Variants in DNAAF5 observed in about 807,000 individuals in gnomAD.
The protein encoded by DNAAF5 is HEAT repeat containing 2.
DNAAF5 carries 64 observed loss-of-function variants against 75.8 expected under a neutral mutation model. That is an observed-to-expected ratio of 0.84 (90% confidence interval 0.69 to 1.04). The LOEUF is 1.04. Ranked by LOEUF, DNAAF5 falls within the 50% of genes least tolerant of loss-of-function variation. The pLI is 0.00. For missense variants in DNAAF5, 1,269 were observed against 1,178.5 expected, an observed-to-expected ratio of 1.08 and a Z score of -1.12; for synonymous variants, 657 against 557.2, an observed-to-expected ratio of 1.18 and a Z score of -2.52.
intron 4 of DNAAF5, among the ~76,000 whole-genome samples, chr7:753,045 CTGAG>C: frequency 6.6e-6 from 1 of 152,256 alleles, no homozygotes; most frequent in East Asian, 1.9e-4. Context: ...CAATTCAAGA[CTGAG>C]CGTACCGCGT....
intron 4 of DNAAF5, among the ~76,000 whole-genome samples, chr7:744,976 GTC>G (rs1393260242): frequency 7.2e-5 from 11 of 152,182 alleles, no homozygotes; most frequent in Admixed American, 3.9e-4. Context: ...TCACACTCTT[GTC>G]TCTGCATCAG....
chr7:780,058 A>AAAG lies in DNAAF5; in HGVS notation c.2345_2346insAAG (p.Tyr782delinsTer). On this transcript the variant is annotated stop_gained, in exon 12 of 13. Coordinates refer to ENST00000297440, the MANE Select transcript of DNAAF5 (RefSeq NM_017802.4). LOFTEE classifies it high-confidence loss of function. The stretch of plus-strand genomic sequence containing the variant: ...GTCAAGGGTGCCAACGCAAAATCCT[A>AAAG]CTATCAGAGCAGTGTCCAGTACCTG... 3 of 1,614,184 alleles carry AAAG rather than the reference A, an allele frequency of 1.9e-6. No homozygotes were observed. Among genetic ancestry groups the AAAG allele is most frequent in the Non-Finnish European group, 2.5e-6 (3 of 1,180,022 alleles).
intron 4 of DNAAF5, among the ~76,000 whole-genome samples, chr7:748,254 G>A (rs1329667015): frequency 3.3e-5 from 4 of 120,082 alleles, no homozygotes; most frequent in South Asian, 3.6e-4. Flanking sequence ...TGGTTTGAGC[G>A]TGTCCGGCTG....
In DNAAF5 at chr7:740,889, A is replaced by C. The variant is rs575955381; in HGVS notation, c.851A>C (p.His284Pro). The change falls in exon 3 of 13, where the codon CAC becomes CCC. Residue 284 changes from histidine to proline, a missense_variant. Transcript: ENST00000297440. ...CTGCGTGACCGTTACTCCTTCTTCCACAAGCTCATCCCTCTGCTGCTCAGT... is the reference window on the plus strand; with the variant it reads ...CTGCGTGACCGTTACTCCTTCTTCCCCAAGCTCATCCCTCTGCTGCTCAGT... ...LCLRDRYSFF[H>P]KLIPLLLSSL... is the part of the protein sequence containing the mutation. The C allele has an allele frequency of 1.9e-6, 3 of 1,613,916 alleles. No individual in the cohort carries two copies. The highest frequency in any genetic ancestry group is 1.7e-5 in the Admixed American group (1 of 60,016).
chr7:729,728 T>G lies in DNAAF5; in HGVS notation c.661T>G (p.Trp221Gly). Reference sequence around the variant, plus strand: ...GATGCAGACCATCTCCCACCAGCACTGGAAGGTCCGTGTGGCCGCCATTGA... The same window carrying G: ...GATGCAGACCATCTCCCACCAGCACGGGAAGGTCCGTGTGGCCGCCATTGA... ...PLMQTISHQH[W>G]KVRVAAIEAT... is the part of the protein sequence containing the mutation. The change falls in exon 2 of 13, where the codon TGG (tryptophan) becomes GGG (glycine). Residue 221 changes from tryptophan (W) to glycine (G), a missense_variant. Coordinates refer to ENST00000297440, the MANE Select transcript of DNAAF5 (RefSeq NM_017802.4). The G allele has an allele frequency of 6.2e-7, 1 of 1,614,114 alleles. No individual in the cohort carries two copies. The highest frequency in any genetic ancestry group is 8.5e-7 in the Non-Finnish European group (1 of 1,180,012).
chr7:730,619 C>T (rs1020370180), intron 2 of DNAAF5, among the ~76,000 whole-genome samples: 1 of 152,198 alleles, frequency 6.6e-6, no homozygotes, highest in Non-Finnish European at 1.5e-5. Context: ...GACTCGCTCC[C>T]TCGTCTGTGC....
chr7:777,919 C>T (rs542730732), intron 11 of DNAAF5, among the ~76,000 whole-genome samples: 2 of 152,080 alleles, frequency 1.3e-5, no homozygotes, highest in Non-Finnish European at 2.9e-5. Flanking sequence ...AGAGAGGTGC[C>T]GAGTGGGCCG....
Position 729,706 on chromosome 7 carries a change from G to A in DNAAF5, c.639G>A (p.Met213Ile), listed in dbSNP as rs1362674935. ...CGGAGTCTCTGATCGGGCCCCTGATGCAGACCATCTCCCACCAGCACTGGA... is the reference window on the plus strand; with the variant it reads ...CGGAGTCTCTGATCGGGCCCCTGATACAGACCATCTCCCACCAGCACTGGA... ...MQSESLIGPLMQTISHQHWKV... is the reference protein window; with the variant it reads ...MQSESLIGPLIQTISHQHWKV... The change falls in exon 2 of 13, where the codon ATG (methionine) becomes ATA (isoleucine). Residue 213 changes from methionine to isoleucine, a missense_variant. By Grantham distance (10) the Met-to-Ile change is conservative. Coordinates refer to ENST00000297440, the MANE Select transcript of DNAAF5 (RefSeq NM_017802.4). 5.6e-6 allele frequency: 9 copies of A among 1,614,120 alleles called. No homozygotes were observed. The highest frequency in any genetic ancestry group is 7.6e-6 in the Non-Finnish European group (9 of 1,180,022).
In DNAAF5 at chr7:754,563, ATTC is replaced by A. The variant is rs777040442; in HGVS notation, c.1025-20_1025-18del. ...TTGAGGTTTTGCTTGTGAATTTCTC[ATTC>A]TTCTTTCCCTTTTTCGTTCCAGAGC... On this transcript the variant is annotated intron_variant, in intron 4 of 12. Transcript: ENST00000297440. This position sits in a 1 kb window ranked among gnomAD's most constrained non-coding sequence, Gnocchi z 4.8. 2.5e-6 allele frequency: 4 copies of A among 1,591,446 alleles called. No homozygotes were observed. Among genetic ancestry groups the A allele is most frequent in the Middle Eastern group, 1.7e-4 (1 of 6,004 alleles).
chr7:738,065 G>A (rs968390654), intron 2 of DNAAF5, among the ~76,000 whole-genome samples: 1 of 152,046 alleles, frequency 6.6e-6, no homozygotes, highest in African/African-American at 2.4e-5. Flanking sequence ...CCCCTTTGAG[G>A]CTATTTTCCA....
At chr7:771,326 G>A (rs1297717699) in intron 9 of DNAAF5, 2 of 152,306 alleles carry the variant, frequency 1.3e-5, no homozygotes. Flanking sequence ...CCGCCCGGGT[G>A]CCACTGCTGA....
rs1781882077 is a variant in DNAAF5 at position 740,812 on chromosome 7, T to C, written c.781-7T>C. On this transcript the variant is annotated splice_polypyrimidine_tract_variant and splice_region_variant and intron_variant, in intron 2 of 12. Coordinates refer to ENST00000297440, the MANE Select transcript of DNAAF5 (RefSeq NM_017802.4). ...CACGAATCCTTATCCCTTCCTCTCA[T>C]GCGCAGGTCCGGCGGGCGGTGGCCT... is the stretch of plus-strand genomic sequence containing the variant. 3.7e-6 allele frequency: 6 copies of C among 1,613,372 alleles called. No homozygotes were observed. The highest frequency in any genetic ancestry group is 5.1e-6 in the Non-Finnish European group (6 of 1,180,012).
In DNAAF5 at chr7:729,839, G is replaced by A. The variant is rs199854382; in HGVS notation, c.772G>A (p.Val258Ile). 62 of 1,613,988 alleles carry A rather than the reference G, an allele frequency of 3.8e-5. No individual in the cohort carries two copies. The highest frequency in any genetic ancestry group is 1.6e-4 in the Middle Eastern group (1 of 6,084). The change falls in exon 2 of 13, where the codon GTC becomes ATC. Residue 258 changes from valine to isoleucine, a missense_variant. Val to Ile is a conservative substitution (Grantham distance 29). Coordinates refer to ENST00000297440, the MANE Select transcript of DNAAF5 (RefSeq NM_017802.4). The stretch of plus-strand genomic sequence containing the variant: ...TTTTGCTCAGCGACTGTTTGATGAC[G>A]TCCCGCAGGTAACTGGTGTTTCTCC... ...SHFAQRLFDD[V>I]PQVRRAVASV...
rs1284029598 is a variant in DNAAF5 at position 754,909 on chromosome 7, C to T, written c.1257+88C>T. 1.9e-6 allele frequency: 2 copies of T among 1,038,738 alleles called. No homozygotes were observed. The highest frequency in any genetic ancestry group is 3.2e-5 in the African/African-American group (2 of 62,708). The allele number at this position is 1,038,738 out of a possible 1,614,324, so 64.3% of individuals were successfully genotyped here. ...GTGGTGTGCGGGGCCCGAGGCTGTA[C>T]TGTAGCCAAGACAGCGTTCCCCTCA... On this transcript the variant is annotated intron_variant, in intron 5 of 12. Coordinates refer to ENST00000297440, the MANE Select transcript of DNAAF5 (RefSeq NM_017802.4). This position sits in a 1 kb window ranked among gnomAD's most constrained non-coding sequence, Gnocchi z 4.8.
intron 12 of DNAAF5, among the ~76,000 whole-genome samples, chr7:784,679 C>T (rs922702790): frequency 6.6e-6 from 1 of 152,164 alleles, no homozygotes; most frequent in Non-Finnish European, 1.5e-5. Context: ...GGTTCATTTC[C>T]GGCTGTGTCG....
At chr7:780,808 C>T (rs550924918) in intron 12 of DNAAF5, among the ~76,000 whole-genome samples, 3 of 149,814 alleles carry the variant, frequency 2.0e-5, no homozygotes, top group Admixed American at 6.7e-5. Flanking sequence ...TGGAATGTAA[C>T]GATTTGCTTT....
rs1782436294 is a variant in DNAAF5, at chr7:754,902, G to A, written c.1257+81G>A. 4.6e-6 allele frequency: 5 copies of A among 1,097,482 alleles called. No individual in the cohort carries two copies. Among genetic ancestry groups the A allele is most frequent in the Admixed American group, 4.7e-5 (2 of 42,446 alleles). The allele number at this position is 1,097,482 out of a possible 1,614,324, so 68.0% of individuals were successfully genotyped here. The stretch of plus-strand genomic sequence containing the variant: ...CGCCTCTGTGGTGTGCGGGGCCCGA[G>A]GCTGTACTGTAGCCAAGACAGCGTT... On this transcript the variant is annotated intron_variant, in intron 5 of 12. Transcript: ENST00000297440. This position sits in a 1 kb window ranked among gnomAD's most constrained non-coding sequence, Gnocchi z 4.8.
rs150201848 is a variant in DNAAF5, at chr7:764,072, A to G, written c.1783+98A>G. The G allele has an allele frequency of 2.0e-4, 264 of 1,342,346 alleles. No individual in the cohort carries two copies. The African/African-American group carries it at 3.1e-3, about 16-fold the overall frequency. The allele number at this position is 1,342,346 out of a possible 1,614,324, so 83.2% of individuals were successfully genotyped here. Reference sequence around the variant, plus strand: ...AGCAGGTACCAGCGCCGACCAGCTGAGCTGTGGTTCACTGAAGCGTGTTGT... The same window carrying G: ...AGCAGGTACCAGCGCCGACCAGCTGGGCTGTGGTTCACTGAAGCGTGTTGT... On this transcript the variant is annotated intron_variant, in intron 8 of 12. Transcript: ENST00000297440.
At chr7:755,094 T>G (rs1382834288) in intron 5 of DNAAF5, among the ~76,000 whole-genome samples, 1 of 152,160 alleles carries the variant, frequency 6.6e-6, no homozygotes, top group Non-Finnish European at 1.5e-5. Flanking sequence ...ACGTGTTGTG[T>G]AGACGTGCCG....
Sources: allele counts gnomAD v4.1 joint callset (sites outside exome capture counted in the v4.1 genomes callset), GRCh38; gene constraint gnomAD v4.1.1; non-coding constraint Gnocchi (gnomAD v3.1); transcripts MANE v1.5; gene names NCBI Gene and HGNC (gene_info 2026-07-23, HGNC 2026-07-21).